RANBP2: variants seen among roughly 807,000 people sequenced by gnomAD.
The protein encoded by RANBP2 is E3 SUMO-protein ligase RanBP2.
RANBP2 carries 57 observed loss-of-function variants against 303.6 expected under a neutral mutation model. The ratio of observed to expected loss-of-function variants is 0.19; its 90% CI spans 0.15 to 0.23. RANBP2 has a LOEUF of 0.23. Ranked by LOEUF, RANBP2 falls within the 10% of genes least tolerant of loss-of-function variation. The pLI is 1.00. For synonymous variants in RANBP2, 1,167 were observed against 1,301.5 expected (o/e 0.90, Z 2.23); for missense variants, 3,138 against 3,780.8 (o/e 0.83, Z 4.46).
the RANBP2 span, among the ~76,000 whole-genome samples, chr2:108,913,668 T>C: frequency 2.0e-5 from 3 of 152,238 alleles, no homozygotes; most frequent in East Asian, 5.8e-4. Flanking sequence ...GTGTATGCGA[T>C]AGCTATCTTT....
the RANBP2 span, chr2:109,605,359 A>G: frequency 6.6e-6 from 1 of 152,210 alleles, no homozygotes; most frequent in African/African-American, 2.4e-5. Context: ...AATCCCAGCT[A>G]CTCAGGAGGC....
the RANBP2 span, among the ~76,000 whole-genome samples, chr2:108,855,080 A>G: frequency 6.6e-6 from 1 of 152,164 alleles, no homozygotes; most frequent in Non-Finnish European, 1.5e-5. Flanking sequence ...AAAGAAACCA[A>G]CTTTGATATA....
the RANBP2 span, among the ~76,000 whole-genome samples, chr2:109,382,726 G>A: frequency 6.6e-6 from 1 of 152,208 alleles, no homozygotes; most frequent in African/African-American, 2.4e-5. Context: ...TTCTCCTGGC[G>A]AGAGATGCAG....
At chr2:109,281,796 A>G in the RANBP2 span, among the ~76,000 whole-genome samples, 1 of 152,150 alleles carries the variant, frequency 6.6e-6, no homozygotes, top group Admixed American at 6.5e-5. Flanking sequence ...GCCAATGGAC[A>G]CACTGACTGT....
chr2:109,290,245 G>C, the RANBP2 span, among the ~76,000 whole-genome samples: 2 of 152,148 alleles, frequency 1.3e-5, no homozygotes, highest in Admixed American at 6.5e-5. Context: ...CCTTCTCTTT[G>C]TCAGTAAAGA....
chr2:109,614,706 G>GT, the RANBP2 span: 2 of 1,488,826 alleles, frequency 1.3e-6, no homozygotes, highest in South Asian at 2.5e-5. Flanking sequence ...TCCCGCCGAC[G>GT]GCGCCAAGTA....
chr2:109,287,695 G>A, the RANBP2 span, among the ~76,000 whole-genome samples: 1 of 152,154 alleles, frequency 6.6e-6, no homozygotes, highest in Non-Finnish European at 1.5e-5. Context: ...TCCTATCAGA[G>A]GCCTCAGATC....
the RANBP2 span, among the ~76,000 whole-genome samples, chr2:109,429,574 A>G: frequency 1.3e-5 from 2 of 151,842 alleles, no homozygotes; most frequent in Non-Finnish European, 2.9e-5. Context: ...TACCCCATTC[A>G]GGACCCCAGC....
the RANBP2 span, among the ~76,000 whole-genome samples, chr2:109,097,979 C>T: frequency 1.3e-5 from 2 of 152,124 alleles, no homozygotes; most frequent in Non-Finnish European, 2.9e-5. Flanking sequence ...ATAAAGGCCA[C>T]GGACTGTGTT....
chr2:109,262,923 C>G, the RANBP2 span, among the ~76,000 whole-genome samples: 6 of 152,108 alleles, frequency 3.9e-5, no homozygotes, highest in Non-Finnish European at 1.5e-5. Flanking sequence ...ACCTTTGCCT[C>G]CCGGGTTCCA....
At chr2:109,276,248 G>A in the RANBP2 span, among the ~76,000 whole-genome samples, 18 of 152,194 alleles carry the variant, frequency 1.2e-4, no homozygotes, top group East Asian at 1.9e-4. Context: ...GGTGGCATAC[G>A]CTCATGTCTT....
At chr2:108,798,481 T>G in the RANBP2 span, 44 of 1,613,668 alleles carry the variant, frequency 2.7e-5, no homozygotes, top group South Asian at 2.3e-4. Context: ...AGCGAGAACG[T>G]TTTTTACTTG....
chr2:109,495,602 C>T, the RANBP2 span, among the ~76,000 whole-genome samples: 4 of 143,216 alleles, frequency 2.8e-5, no homozygotes, highest in Non-Finnish European at 4.5e-5. Context: ...AATTCTTGTG[C>T]CCAGCTTCCC....
the RANBP2 span, among the ~76,000 whole-genome samples, chr2:109,727,508 G>C: frequency 6.6e-6 from 1 of 152,168 alleles, no homozygotes; most frequent in Non-Finnish European, 1.5e-5. Flanking sequence ...CTGCTCAATG[G>C]ATCCTTTATT....
At chr2:109,277,580 C>T in the RANBP2 span, among the ~76,000 whole-genome samples, 1 of 152,170 alleles carries the variant, frequency 6.6e-6, no homozygotes, top group African/African-American at 2.4e-5. Context: ...TGTACACTGT[C>T]GTTATCTATC....
the RANBP2 span, among the ~76,000 whole-genome samples, chr2:109,422,404 A>G: frequency 6.6e-6 from 1 of 152,204 alleles, no homozygotes. Flanking sequence ...TAAGAGGCCT[A>G]ATCCTGTACG....
At chr2:109,286,468 G>A in the RANBP2 span, among the ~76,000 whole-genome samples, 2 of 152,288 alleles carry the variant, frequency 1.3e-5, no homozygotes, top group South Asian at 2.1e-4. Flanking sequence ...TCTCTCAGCT[G>A]CACCACAGTC....
At chr2:109,470,258 G>A in the RANBP2 span, among the ~76,000 whole-genome samples, 3 of 152,210 alleles carry the variant, frequency 2.0e-5, no homozygotes, top group South Asian at 6.2e-4. Flanking sequence ...AGTGATGGGA[G>A]TTAGAAGGAT....
chr2:109,347,836 A>G, the RANBP2 span: 1 of 1,613,972 alleles, frequency 6.2e-7, no homozygotes, highest in East Asian at 2.2e-5. Flanking sequence ...CCTCCCAGCC[A>G]GCTATATCCA....
Sources: allele counts gnomAD v4.1 joint callset (sites outside exome capture counted in the v4.1 genomes callset), GRCh38; gene constraint gnomAD v4.1.1; transcripts MANE v1.5; gene names NCBI Gene and HGNC (gene_info 2026-07-23, HGNC 2026-07-21).